JADE2: variants seen among roughly 807,000 people sequenced by gnomAD.
The protein encoded by JADE2 is jade family PHD finger 2, also known as E3 ubiquitin-protein ligase Jade-2.
A neutral mutation model predicts 85.7 loss-of-function variants in JADE2; 13 were observed. That is an observed-to-expected ratio of 0.15 (90% CI 0.10 to 0.24). JADE2 has a LOEUF of 0.24. JADE2 is among the 10% of genes least tolerant of loss of function. JADE2 has a pLI of 1.00. For synonymous variants in JADE2, 440 were observed against 456.1 expected (o/e 0.96, Z 0.45); for missense variants, 846 against 1,115.9 (o/e 0.76, Z 3.45).
chr5:134,576,678 G>A, intron 10 of JADE2, 90 bp from the exon 11 acceptor site: 1 of 1,463,734 alleles, frequency 6.8e-7, no homozygotes, highest in East Asian at 2.5e-5. Context: ...GCTGATGGAG[G>A]ACTCCTGGGC....
At chr5:134,539,484 C>T (rs1761836455) in intron 3 of JADE2, among the ~76,000 whole-genome samples, 1 of 152,250 alleles carries the variant, frequency 6.6e-6, no homozygotes, top group African/African-American at 2.4e-5. Flanking sequence ...CAGGCGTGAG[C>T]CACCGCGCCC....
chr5:134,570,042 C>A (rs530855162), intron 9 of JADE2, among the ~76,000 whole-genome samples: 3 of 152,312 alleles, frequency 2.0e-5, no homozygotes, highest in African/African-American at 7.2e-5. Flanking sequence ...CTGCTTTCTT[C>A]ACTCACTCCC....
At chr5:134,577,525 C>G (rs966438645) in intron 11 of JADE2, among the ~76,000 whole-genome samples, 1 of 152,182 alleles carries the variant, frequency 6.6e-6, no homozygotes, top group South Asian at 2.1e-4. Flanking sequence ...TTCTGTCCCT[C>G]TGTCTCAAGA....
At chr5:134,573,211 C>T (rs577855808) in intron 9 of JADE2, among the ~76,000 whole-genome samples, 3 of 152,180 alleles carry the variant, frequency 2.0e-5, no homozygotes, top group Non-Finnish European at 4.4e-5. Context: ...GGACAGGAGG[C>T]AGAGGGATGA....
chr5:134,534,608 A>C (rs1761467860), intron 1 of JADE2, among the ~76,000 whole-genome samples: 1 of 152,182 alleles, frequency 6.6e-6, no homozygotes, highest in Admixed American at 6.5e-5. Flanking sequence ...GCAGGGCTGC[A>C]GTAAGATGGT....
chr5:134,565,557 G>A (rs1333541878), intron 8 of JADE2, among the ~76,000 whole-genome samples: 2 of 152,148 alleles, frequency 1.3e-5, no homozygotes, highest in Non-Finnish European at 2.9e-5. Context: ...CAAAAATGCA[G>A]CTTGAGGCCA....
intron 1 of JADE2, among the ~76,000 whole-genome samples, chr5:134,528,200 T>G (rs940134773): frequency 6.6e-6 from 1 of 152,116 alleles, no homozygotes; most frequent in African/African-American, 2.4e-5. Context: ...GCCCCTCCTC[T>G]CGGAGTGGCA....
intron 4 of JADE2, among the ~76,000 whole-genome samples, chr5:134,554,446 C>G (rs1055418586): frequency 6.6e-6 from 1 of 152,120 alleles, no homozygotes; most frequent in Non-Finnish European, 1.5e-5. Flanking sequence ...GGTCTGTCCT[C>G]TCTACTTGAT....
intron 3 of JADE2, among the ~76,000 whole-genome samples, chr5:134,544,195 G>C (rs1313178143): frequency 1.3e-5 from 2 of 152,234 alleles, no homozygotes; most frequent in African/African-American, 4.8e-5. Flanking sequence ...TGGGTCTCTG[G>C]ACCGGGAGCT....
chr5:134,546,461 C>G (rs1762297604), intron 3 of JADE2, among the ~76,000 whole-genome samples: 1 of 152,150 alleles, frequency 6.6e-6, no homozygotes, highest in South Asian at 2.1e-4. Context: ...AAGAGATGGA[C>G]ATTAAAAATA....
chr5:134,579,018 G>A lies in JADE2; in HGVS notation c.2206G>A (p.Asp736Asn). 6.2e-7 allele frequency: 1 copy of A among 1,613,936 alleles called. No homozygotes were observed. Among genetic ancestry groups the A allele is most frequent in the African/African-American group, 1.3e-5 (1 of 75,066 alleles). ...GGCAGCCTCAGTAGCTGCTGACTCA[G>A]ATGTCCAAGTGCCTGGCCCTGCAGC... ...DEAASVAADS[D>N]VQVPGPAASP... The change falls in exon 12 of 12, where the codon GAT becomes AAT. Residue 736 changes from aspartate to asparagine, a missense_variant. Physicochemically the swap from Asp to Asn is conservative, Grantham distance 23. This residue lies in a region of JADE2 where 300 missense variants were observed against 300.7 expected (regional missense o/e 1.00). Transcript: ENST00000681547. This position sits in a 1 kb window ranked among gnomAD's most constrained non-coding sequence, Gnocchi z 4.6.
chr5:134,532,967 C>T (rs1761340748), intron 1 of JADE2, among the ~76,000 whole-genome samples: 2 of 152,206 alleles, frequency 1.3e-5, no homozygotes. Context: ...AAAATCTGCT[C>T]CCTTAATAAT....
At chr5:134,565,252 T>C (rs879448679) in intron 8 of JADE2, among the ~76,000 whole-genome samples, 6 of 152,324 alleles carry the variant, frequency 3.9e-5, no homozygotes, top group Admixed American at 6.5e-5. Context: ...GAGTTGTCAT[T>C]GTAAACGTTA....
chr5:134,575,413 C>G (rs1401463664), intron 10 of JADE2: 2 of 152,260 alleles, frequency 1.3e-5, no homozygotes, highest in African/African-American at 4.8e-5. Flanking sequence ...CAGAGCATGT[C>G]TTGGCAGAGA....
At chr5:134,525,635 A>C, upstream of JADE2, 7 of 945,788 alleles carry the variant, frequency 7.4e-6, no homozygotes, top group Non-Finnish European at 9.9e-6. Flanking sequence ...TTTTTTCTAA[A>C]GAGATCACAA....
chr5:134,567,163 A>G (rs528138645), intron 9 of JADE2, among the ~76,000 whole-genome samples: 4 of 152,226 alleles, frequency 2.6e-5, no homozygotes, highest in Non-Finnish European at 2.9e-5. Flanking sequence ...GGGTGGACTC[A>G]AGGAACGGTG....
intron 4 of JADE2, among the ~76,000 whole-genome samples, chr5:134,554,944 A>AT (rs1454778130): frequency 6.6e-6 from 1 of 152,172 alleles, no homozygotes; most frequent in Non-Finnish European, 1.5e-5. Context: ...AACTGTCCCC[A>AT]TTTTATAGAT....
In JADE2 at chr5:134,566,703, C is replaced by T. The variant is rs1425300825; in HGVS notation, c.1434+123C>T. 2.4e-5 allele frequency: 18 copies of T among 761,382 alleles called. No individual in the cohort carries two copies. Among genetic ancestry groups the T allele is most frequent in the Middle Eastern group, 3.8e-4 (1 of 2,618 alleles). The allele number at this position is 761,382 out of a possible 1,614,324, so 47.2% of individuals were successfully genotyped here. A position where few individuals can be genotyped will look rare whatever the true frequency, so the allele number is the denominator to read the frequency against. ...ACTCAAACTGTGAGCTCTGGTGGAC[C>T]GGCCCTGCTGCAGGAGCCTGCCAAG... On this transcript the variant is annotated intron_variant, in intron 9 of 11. Transcript: ENST00000681547. This position sits in a 1 kb window ranked among gnomAD's most constrained non-coding sequence, Gnocchi z 6.7.
intron 4 of JADE2, among the ~76,000 whole-genome samples, chr5:134,554,605 T>C (rs1317497652): frequency 6.6e-6 from 1 of 152,214 alleles, no homozygotes; most frequent in African/African-American, 2.4e-5. Flanking sequence ...GCTTTGACTT[T>C]ACGAGGTGCA....
Sources: allele counts gnomAD v4.1 joint callset (sites outside exome capture counted in the v4.1 genomes callset), GRCh38; gene constraint gnomAD v4.1.1; regional missense constraint gnomAD v4.1.1; non-coding constraint Gnocchi (gnomAD v3.1); transcripts MANE v1.5; gene names NCBI Gene and HGNC (gene_info 2026-07-23, HGNC 2026-07-21).